SPON2: variants seen among roughly 807,000 people sequenced by gnomAD.
The protein encoded by SPON2 is spondin 2.
Under a neutral mutation model 29.9 loss-of-function variants are expected in SPON2, and 32 were observed. That is an observed-to-expected ratio of 1.07 (90% CI 0.81 to 1.44). SPON2 has a LOEUF of 1.44. Ranked by LOEUF, SPON2 falls within the 40% of genes most tolerant of loss-of-function variation. The probability of loss-of-function intolerance (pLI) is 0.00; values close to 1 mark genes in which losing one functional copy is unlikely to be tolerated. For synonymous variants in SPON2, 248 were observed against 209.1 expected, an observed-to-expected ratio of 1.19 and a Z score of -1.61; for missense variants, 541 against 455.5, an observed-to-expected ratio of 1.19 and a Z score of -1.71.
upstream of SPON2, among the ~76,000 whole-genome samples, chr4:1,173,949 C>T (rs1022234354): frequency 6.6e-6 from 1 of 152,200 alleles, no homozygotes; most frequent in African/African-American, 2.4e-5. Flanking sequence ...GCCTGTAATC[C>T]CAGCACTTTG....
At chr4:1,188,870 A>G (rs1387183932) in intron 1 of SPON2, among the ~76,000 whole-genome samples, 1 of 152,210 alleles carries the variant, frequency 6.6e-6, no homozygotes, top group Non-Finnish European at 1.5e-5. Context: ...AACAACTGCA[A>G]AGGTTGTTGT....
upstream of SPON2, among the ~76,000 whole-genome samples, chr4:1,197,726 C>T (rs1331268151): frequency 6.6e-6 from 1 of 152,072 alleles, no homozygotes; most frequent in Non-Finnish European, 1.5e-5. Flanking sequence ...AATAAAATCC[C>T]CTTGCCCAGC....
intron 1 of SPON2, among the ~76,000 whole-genome samples, chr4:1,189,265 G>A (rs1196101917): frequency 1.3e-5 from 2 of 151,570 alleles, no homozygotes; most frequent in Non-Finnish European, 2.9e-5. Flanking sequence ...TCCACCTAAA[G>A]AAACGAGAAA....
At chr4:1,176,091 G>A (rs1033568103), upstream of SPON2, among the ~76,000 whole-genome samples, 21 of 152,110 alleles carry the variant, frequency 1.4e-4, no homozygotes, top group Non-Finnish European at 4.4e-5. Flanking sequence ...GGGTTGGATC[G>A]GGCTGGGGTC....
chr4:1,180,889 C>T (rs919697158), intron 1 of SPON2, among the ~76,000 whole-genome samples: 5 of 152,182 alleles, frequency 3.3e-5, no homozygotes, highest in African/African-American at 1.2e-4. Flanking sequence ...TGTGTGACAT[C>T]ATCAAACATA....
chr4:1,167,429 C>A lies in SPON2; in HGVS notation c.*43G>T. ...TGAGCCTGCACAGGAGCCCCCGACA[C>A]CCCATGGCTCCGGGGGGCCCCAGGG... On this transcript the variant is annotated 3_prime_UTR_variant, in exon 6 of 6. Coordinates refer to ENST00000290902, the MANE Select transcript of SPON2 (RefSeq NM_012445.4). 6.3e-7 allele frequency: 1 copy of A among 1,581,224 alleles called. No individual in the cohort carries two copies. Among genetic ancestry groups the A allele is most frequent in the Non-Finnish European group, 8.6e-7 (1 of 1,160,426 alleles).
intron 1 of SPON2, among the ~76,000 whole-genome samples, chr4:1,207,357 G>C (rs188559210): frequency 2.2e-4 from 34 of 152,248 alleles, no homozygotes; most frequent in Admixed American, 2.2e-3. Flanking sequence ...CCCCACAGTG[G>C]GCACCCCCAG....
At position 1,171,765 on chromosome 4, in the gene SPON2, G is replaced by T; in HGVS notation, c.220+87C>A. 5 of 972,014 alleles carry T rather than the reference G, an allele frequency of 5.1e-6. No individual in the cohort carries two copies. In the South Asian group the frequency reaches 6.7e-5, roughly 13 times the overall value. 60.2% of individuals were successfully genotyped at this position (972,014 alleles called of 1,614,324 possible). On this transcript the variant is annotated intron_variant, in intron 2 of 5. Transcript: ENST00000290902. ...TCCCGACGTCAGCACGCCCCAGACT[G>T]GGAAGCGCCGCCGTGCAGCTGTGCG...
chr4:1,195,486 A>ACCCCCCCCCCCCCCCC (rs1728045410), upstream of SPON2, among the ~76,000 whole-genome samples: 1 of 144,686 alleles, frequency 6.9e-6, no homozygotes, highest in Non-Finnish European at 1.5e-5. Context: ...TGGCACCTGA[A>ACCCCCCCCCCCCCCCC]CCTCCCCCCG....
chr4:1,170,244 T>C lies in SPON2; in HGVS notation c.811+158A>G, dbSNP rs1470525764. Reference sequence around the variant, plus strand: ...GTGCAAGAGTCACATCTTCAGTGTGTGAATCAACAGAATCCTAAATCTTCT... The same window carrying C: ...GTGCAAGAGTCACATCTTCAGTGTGCGAATCAACAGAATCCTAAATCTTCT... On this transcript the variant is annotated intron_variant, in intron 5 of 5. Transcript: ENST00000290902. 3 of 722,158 alleles carry C rather than the reference T, an allele frequency of 4.2e-6. No homozygotes were observed. The African/African-American group carries it at 5.3e-5, about 13-fold the overall frequency. The allele number at this position is 722,158 out of a possible 1,614,324, so 44.7% of individuals were successfully genotyped here. A position where few individuals can be genotyped will look rare whatever the true frequency, so the allele number is the denominator to read the frequency against.
intron 1 of SPON2, among the ~76,000 whole-genome samples, chr4:1,201,716 G>A (rs1482557441): frequency 2.0e-5 from 3 of 152,074 alleles, no homozygotes; most frequent in Non-Finnish European, 4.4e-5. Flanking sequence ...CTGAGTAGCT[G>A]GGATTACAGG....
At chr4:1,190,494 C>A (rs1007253498) in intron 1 of SPON2, among the ~76,000 whole-genome samples, 1 of 152,172 alleles carries the variant, frequency 6.6e-6, no homozygotes. Context: ...AAAAAATAAA[C>A]TTTCCAGTAT....
intron 1 of SPON2, chr4:1,194,987 C>A (rs1560210647): frequency 3.6e-5 from 5 of 140,630 alleles, no homozygotes; most frequent in African/African-American, 1.1e-4. Context: ...CCGGCGGCCT[C>A]ACCTCACAGC....
chr4:1,177,427 T>A (rs1189628477), upstream of SPON2, among the ~76,000 whole-genome samples: 1 of 152,212 alleles, frequency 6.6e-6, no homozygotes, highest in Non-Finnish European at 1.5e-5. Context: ...GTGAAGCTCC[T>A]TTCCCAGTCA....
At chr4:1,189,309 A>C (rs1269956767) in intron 1 of SPON2, among the ~76,000 whole-genome samples, 3 of 152,088 alleles carry the variant, frequency 2.0e-5, no homozygotes, top group African/African-American at 7.2e-5. Context: ...AAGCAGAAGG[A>C]AATAATAAAT....
At chr4:1,196,352 C>A (rs912999531), upstream of SPON2, among the ~76,000 whole-genome samples, 1 of 152,222 alleles carries the variant, frequency 6.6e-6, no homozygotes, top group Non-Finnish European at 1.5e-5. Flanking sequence ...TAGGGGTCTG[C>A]AAGTCTCTAG....
chr4:1,197,451 ACT>A (rs1476351142), upstream of SPON2, among the ~76,000 whole-genome samples: 1 of 152,044 alleles, frequency 6.6e-6, no homozygotes, highest in East Asian at 1.9e-4. Flanking sequence ...CTGAACGTGC[ACT>A]CTCTGAAAAG....
chr4:1,170,144 A>G (rs917764599), intron 5 of SPON2: 2 of 449,744 alleles, frequency 4.4e-6, no homozygotes, highest in Non-Finnish European at 7.9e-6. Flanking sequence ...AGAGTCTCTC[A>G]GGTACTGTCT....
In SPON2 at chr4:1,170,444, C is replaced by G; in HGVS notation, c.769G>C (p.Val257Leu). The change falls in exon 5 of 6, where the codon GTC becomes CTC. Residue 257 changes from valine (V) to leucine (L), a missense_variant. Transcript: ENST00000290902. ...ATCTCATTGTCCCTGCTGGGCAGGA[C>G]TGGGGCGGGAGGGATGAAGGCCCTG... ...SPRAFIPPAPVLPSRDNEIVD... is the reference protein window; with the variant it reads ...SPRAFIPPAPLLPSRDNEIVD... 1.2e-6 allele frequency: 2 copies of G among 1,613,960 alleles called. No homozygotes were observed. Among genetic ancestry groups the G allele is most frequent in the Non-Finnish European group, 1.7e-6 (2 of 1,179,952 alleles).
Sources: gnomAD v4.1 joint callset for allele counts (sites outside exome capture counted in the v4.1 genomes callset) on GRCh38, gnomAD v4.1.1 for gene constraint, MANE v1.5 for transcripts, NCBI Gene and HGNC (gene_info 2026-07-23, HGNC 2026-07-21) for gene names.